ENO4: variants seen among roughly 807,000 people sequenced by gnomAD.
ENO4 encodes enolase 4, also known as 2-phospho-D-glycerate hydro-lyase.
Under a neutral mutation model 63.2 loss-of-function variants are expected in ENO4, and 53 were observed. That is an observed-to-expected ratio of 0.84 (90% CI 0.67 to 1.05). The LOEUF (loss-of-function observed/expected upper bound fraction) is 1.05, where lower values mean the gene tolerates loss of function less well. Among genes scored for constraint, ENO4 ranks in the 50% least tolerant of loss-of-function variants. The pLI is 0.00. For missense variants in ENO4, 719 were observed against 772.0 expected (o/e 0.93, Z 0.81); for synonymous variants, 266 against 283.8 (o/e 0.94, Z 0.63).
At position 116,864,068 on chromosome 10, in the gene ENO4, C is replaced by T. The variant is rs140125211; in HGVS notation, c.990+1216C>T. 2.8e-3 allele frequency among the ~76,000 whole-genome samples: 427 copies of T among 152,282 alleles called. 1 individual carries two copies. The highest frequency in any genetic ancestry group is 9.7e-3 in the African/African-American group (404 of 41,546). ...GAGTAAACAAGTGTAATATCAAACA[C>T]GCCGCATCAGGAGCCGGTGCCACAG... is the stretch of plus-strand genomic sequence containing the variant. On this transcript the variant is annotated intron_variant, in intron 7 of 13. Coordinates refer to ENST00000341276, the MANE Select transcript of ENO4 (RefSeq NM_001242699.2).
At chr10:116,856,783 C>T (rs1292123296) in intron 3 of ENO4, 101 bp downstream of exon 3, 12 of 1,046,384 alleles carry the variant, frequency 1.1e-5, no homozygotes, top group South Asian at 3.5e-5. Flanking sequence ...GGGCAGATCA[C>T]GAGGTCAGGA....
intron 10 of ENO4, among the ~76,000 whole-genome samples, chr10:116,902,362 G>A (rs1258222750): frequency 1.3e-5 from 2 of 152,150 alleles, no homozygotes; most frequent in Non-Finnish European, 2.9e-5. Flanking sequence ...AACAGCAAAT[G>A]GAACCATGTC....
chr10:116,907,801 C>T, intron 10 of ENO4: 1 of 481,280 alleles, frequency 2.1e-6, no homozygotes, highest in Admixed American at 2.2e-5. Context: ...TGCCAGACTT[C>T]ATGCCAGAGT....
In ENO4 at chr10:116,849,541, C is replaced by A. The variant is rs796658992; in HGVS notation, c.-26C>A. 2 of 1,495,570 alleles carry A rather than the reference C, an allele frequency of 1.3e-6. No homozygotes were observed. Among genetic ancestry groups the A allele is most frequent in the Admixed American group, 4.5e-5 (2 of 44,376 alleles). 92.6% of individuals were successfully genotyped at this position (1,495,570 alleles called of 1,614,324 possible). ...ACGCTCGTGGGACCCCAGGCTAAAC[C>A]CCGCTGTAGCCTTAAATCTCCTACC... On this transcript the variant is annotated 5_prime_UTR_variant, in exon 1 of 14. Coordinates refer to ENST00000341276, the MANE Select transcript of ENO4 (RefSeq NM_001242699.2).
intron 10 of ENO4, among the ~76,000 whole-genome samples, chr10:116,891,680 G>A (rs891658644): frequency 1.3e-5 from 2 of 152,058 alleles, no homozygotes; most frequent in Non-Finnish European, 2.9e-5. Flanking sequence ...AGGTAGTTTT[G>A]ATTGTTTCTT....
Position 116,867,929 on chromosome 10 carries a change from C to T in ENO4, c.991-721C>T, listed in dbSNP as rs528991045. On this transcript the variant is annotated intron_variant, in intron 7 of 13. Transcript: ENST00000341276. ...TTCCCTTTGCCCTTCTGTTCAGGGT[C>T]ACTGTATGTGCATATACTTGAGTGT... Among the ~76,000 whole-genome samples the T allele has an allele frequency of 3.3e-3, 506 of 152,302 alleles. 3 individuals carry two copies. Among genetic ancestry groups the T allele is most frequent in the Middle Eastern group, 0.01 (3 of 294 alleles).
At chr10:116,861,859 A>G (rs1846423030) in intron 6 of ENO4, among the ~76,000 whole-genome samples, 1 of 152,146 alleles carries the variant, frequency 6.6e-6, no homozygotes, top group East Asian at 1.9e-4. Context: ...AAGATTTTTC[A>G]TGATAAAGAA....
At position 116,905,208 on chromosome 10, in the gene ENO4, C is replaced by CAA. The variant is rs772309175; in HGVS notation, c.1195-6271_1195-6270dup. The stretch of plus-strand genomic sequence containing the variant: ...TGGGCGACAGAGCGAGACTCCGTCT[C>CAA]AAAAAAAAAAAAAAAAAAAAATAGC... On this transcript the variant is annotated intron_variant, in intron 10 of 10. Transcript: ENST00000369207. Among the ~76,000 whole-genome samples the CAA allele has an allele frequency of 2.8e-3, 176 of 63,072 alleles. 1 individual carries two copies. In the East Asian group the frequency reaches 0.029, roughly 10 times the overall value. The allele number at this position is 63,072 out of a possible 152,430, so 41.4% of individuals were successfully genotyped here.
Position 116,879,340 on chromosome 10 carries a change from T to C in ENO4, c.1587T>C (p.Asp529=). 6.5e-7 allele frequency: 1 copy of C among 1,550,312 alleles called. No homozygotes were observed. Among genetic ancestry groups the C allele is most frequent in the Non-Finnish European group, 8.7e-7 (1 of 1,146,720 alleles). Residue 529 remains aspartate (D), a synonymous_variant, in exon 12 of 14, where the codon GAT becomes GAC. Coordinates refer to ENST00000341276, the MANE Select transcript of ENO4 (RefSeq NM_001242699.2). ...VFGSTEGESS[D]DSLVDLAVGL... ...GAAGTACAGAAGGAGAATCATCTGA[T>C]GACAGCCTTGTCGATTTGGTAAGTG...
In ENO4 at chr10:116,881,825, TATG is replaced by T. The variant is rs372560227; in HGVS notation, c.*160_*162del. 5.3e-4 allele frequency: 295 copies of T among 552,136 alleles called. No individual in the cohort carries two copies. The highest frequency in any genetic ancestry group is 7.3e-4 in the Non-Finnish European group (258 of 352,428). 34.2% of individuals were successfully genotyped at this position (552,136 alleles called of 1,614,324 possible). A position where few individuals can be genotyped will look rare whatever the true frequency, so the allele number is the denominator to read the frequency against. ...ATTCCACTGTTTGGTAAATTACATA[TATG>T]ATGTTTTTGCCTGAAATTCTGTGAA... On this transcript the variant is annotated 3_prime_UTR_variant, in exon 14 of 14. Transcript: ENST00000341276.
At position 116,868,244 on chromosome 10, in the gene ENO4, C is replaced by T. The variant is rs78299461; in HGVS notation, c.991-406C>T. On this transcript the variant is annotated intron_variant, in intron 7 of 13. Coordinates refer to ENST00000341276, the MANE Select transcript of ENO4 (RefSeq NM_001242699.2). The stretch of plus-strand genomic sequence containing the variant: ...ATGTTGGGCCTGTAAAAGCAAATCC[C>T]GCAGTGGGGTTAAGCCCTAAGGGCA... Among the ~76,000 whole-genome samples, 556 of 152,276 alleles carry T rather than the reference C, an allele frequency of 3.7e-3. 2 individuals are homozygous for T. Among genetic ancestry groups the T allele is most frequent in the African/African-American group, 0.013 (531 of 41,550 alleles).
downstream of ENO4, chr10:116,885,486 C>T (rs529511753): frequency 6.6e-6 from 1 of 152,552 alleles, no homozygotes; most frequent in Admixed American, 6.6e-5. Context: ...TAATATAGAA[C>T]AGCAGTGAAG....
At position 116,878,813 on chromosome 10, in the gene ENO4, A is replaced by G. The variant is rs567676726; in HGVS notation, c.1538-478A>G. ...AGCTGGAGTGCAGTGGCGCGATCTC[A>G]GCTCACTGCAAGCTCTGCCTCCCGG... On this transcript the variant is annotated intron_variant, in intron 11 of 13. Transcript: ENST00000341276. Among the ~76,000 whole-genome samples the G allele has an allele frequency of 1.2e-3, 157 of 136,294 alleles. 1 individual carries two copies. Among genetic ancestry groups the G allele is most frequent in the South Asian group, 5.2e-3 (23 of 4,462 alleles). 89.4% of individuals were successfully genotyped at this position (136,294 alleles called of 152,430 possible). A position where few individuals can be genotyped will look rare whatever the true frequency, so the allele number is the denominator to read the frequency against.
At chr10:116,877,765 A>C (rs2133279850) in intron 11 of ENO4, among the ~76,000 whole-genome samples, 1 of 152,232 alleles carries the variant, frequency 6.6e-6, no homozygotes, top group South Asian at 2.1e-4. Flanking sequence ...TTTACTTAAG[A>C]CCATTGGGTC....
At chr10:116,854,833 C>T (rs371362294) in intron 1 of ENO4, among the ~76,000 whole-genome samples, 16 of 145,430 alleles carry the variant, frequency 1.1e-4, no homozygotes, top group East Asian at 8.6e-4. Flanking sequence ...CCCAGCTACT[C>T]GGGAGGCTGA....
chr10:116,871,120 T>C lies in ENO4; in HGVS notation c.1048-5T>C. On this transcript the variant is annotated splice_polypyrimidine_tract_variant and splice_region_variant and intron_variant, in intron 8 of 13. Transcript: ENST00000341276. The stretch of plus-strand genomic sequence containing the variant: ...GACATGGATCATTGTCTCTTGATCT[T>C]GCAGCAGCAGATCACTGGCAAGATG... 1 of 1,550,056 alleles carries C rather than the reference T, an allele frequency of 6.5e-7. No homozygotes were observed. The highest frequency in any genetic ancestry group is 8.7e-7 in the Non-Finnish European group (1 of 1,146,720).
In ENO4 at chr10:116,879,920, G is replaced by A; in HGVS notation, c.1657G>A (p.Glu553Lys). Reference sequence around the variant, plus strand: ...CAAGTTGGGGGGTCTTTCCCGTGGTGAACGAGTGACTAAATACAACCGCCT... The same window carrying A: ...CAAGTTGGGGGGTCTTTCCCGTGGTAAACGAGTGACTAAATACAACCGCCT... ...FIKLGGLSRG[E>K]RVTKYNRLLT... The change falls in exon 13 of 14, where the codon GAA becomes AAA. Residue 553 changes from glutamate (E) to lysine (K), a missense_variant. Physicochemically the swap from Glu to Lys is moderately conservative, Grantham distance 56. Around this residue, in one of 3 missense-constraint regions of ENO4, gnomAD observed 168 missense variants for 163.3 expected, o/e 1.03. Transcript: ENST00000341276. 6.4e-7 allele frequency: 1 copy of A among 1,550,742 alleles called. No homozygotes were observed. The highest frequency in any genetic ancestry group is 8.7e-7 in the Non-Finnish European group (1 of 1,147,012).
In ENO4 at chr10:116,859,094, C is replaced by A; in HGVS notation, c.590C>A (p.Pro197Gln). The A allele has an allele frequency of 6.5e-7, 1 of 1,534,120 alleles. No individual in the cohort carries two copies. Among genetic ancestry groups the A allele is most frequent in the Non-Finnish European group, 8.7e-7 (1 of 1,145,626 alleles). Residue 197 changes from proline to glutamine, a missense_variant, in exon 4 of 14, where the codon CCA (proline) becomes CAA (glutamine). Physicochemically the swap from Pro to Gln is moderately conservative, Grantham distance 76. Coordinates refer to ENST00000341276, the MANE Select transcript of ENO4 (RefSeq NM_001242699.2). ...VPTPLPPVPP[P>Q]PPPPPPTKKK... ...ACACCTCTACCTCCAGTACCACCAC[C>A]ACCACCCCCTCCACCTCCTACCAAA...
At chr10:116,898,707 A>AT (rs1847609651) in intron 10 of ENO4, among the ~76,000 whole-genome samples, 1 of 152,156 alleles carries the variant, frequency 6.6e-6, no homozygotes, top group Non-Finnish European at 1.5e-5. Context: ...CCAAGCCCTG[A>AT]TTATCTTTTC....
Sources: allele counts gnomAD v4.1 joint callset (sites outside exome capture counted in the v4.1 genomes callset), GRCh38; gene constraint gnomAD v4.1.1; regional missense constraint gnomAD v4.1.1; transcripts MANE v1.5; gene names NCBI Gene and HGNC (gene_info 2026-07-23, HGNC 2026-07-21).